RALGPS1: variants seen among roughly 807,000 people sequenced by gnomAD.
The protein encoded by RALGPS1 is Ral GEF with PH domain and SH3 binding motif 1.
RALGPS1 carries 19 observed loss-of-function variants against 78.8 expected under a neutral mutation model. The ratio of observed to expected loss-of-function variants is 0.24; its 90% CI spans 0.17 to 0.35. The LOEUF is 0.35. Ranked by LOEUF, RALGPS1 falls within the 10% of genes least tolerant of loss-of-function variation. RALGPS1 has a pLI of 1.00. For missense variants in RALGPS1, 454 were observed against 688.3 expected, an observed-to-expected ratio of 0.66 and a Z score of 3.81; for synonymous variants, 228 against 256.3, an observed-to-expected ratio of 0.89 and a Z score of 1.06.
At chr9:126,972,588 G>T (rs1307937594) in intron 3 of RALGPS1, among the ~76,000 whole-genome samples, 2 of 152,184 alleles carry the variant, frequency 1.3e-5, no homozygotes, top group South Asian at 2.1e-4. Context: ...CTTGCCAAAG[G>T]GATGCACCTG....
At chr9:127,066,906 C>G (rs2049762192) in intron 7 of RALGPS1, among the ~76,000 whole-genome samples, 1 of 151,990 alleles carries the variant, frequency 6.6e-6, no homozygotes, top group African/African-American at 2.4e-5. Flanking sequence ...TCACTACAGC[C>G]TCAACCTCCT....
intron 4 of RALGPS1, among the ~76,000 whole-genome samples, chr9:127,003,106 G>C (rs958126244): frequency 6.6e-6 from 1 of 152,094 alleles, no homozygotes; most frequent in African/African-American, 2.4e-5. Flanking sequence ...TCTCCAGCAC[G>C]AAAACCTAGG....
intron 7 of RALGPS1, among the ~76,000 whole-genome samples, chr9:127,060,955 A>G (rs1040138061): frequency 6.6e-6 from 1 of 152,206 alleles, no homozygotes; most frequent in African/African-American, 2.4e-5. Context: ...TTTAACCATC[A>G]TGTGGATTTC....
chr9:127,006,105 T>C (rs929638686), intron 4 of RALGPS1, among the ~76,000 whole-genome samples: 1 of 152,194 alleles, frequency 6.6e-6, no homozygotes, highest in African/African-American at 2.4e-5. Flanking sequence ...GTCAGCATCA[T>C]ACTGAATGGG....
intron 4 of RALGPS1, among the ~76,000 whole-genome samples, chr9:127,032,704 CAT>C (rs2046530634): frequency 2.6e-5 from 4 of 152,222 alleles, no homozygotes; most frequent in Middle Eastern, 6.8e-3. Context: ...TGAAACCGAA[CAT>C]AGCCTGGGTG....
intron 4 of RALGPS1, among the ~76,000 whole-genome samples, chr9:126,992,812 T>C (rs1304731415): frequency 1.3e-5 from 2 of 152,274 alleles, no homozygotes; most frequent in African/African-American, 2.4e-5. Flanking sequence ...TAATGATGCC[T>C]CTGTGAATAA....
chr9:127,141,616 C>CAAAAAAAAAAAAAAAAA (rs61291398), intron 8 of RALGPS1, among the ~76,000 whole-genome samples: 3 of 68,660 alleles, frequency 4.4e-5, no homozygotes, highest in Non-Finnish European at 7.5e-5. Context: ...TTTTTAATGG[C>CAAAAAAAAAAAAAAAAA]AAAAAAAAAA....
chr9:127,142,478 T>C (rs76930936), intron 8 of RALGPS1, among the ~76,000 whole-genome samples: 1 of 152,038 alleles, frequency 6.6e-6, no homozygotes, highest in African/African-American at 2.4e-5. Flanking sequence ...GATGGGCGCA[T>C]CTGGAGGGAA....
In RALGPS1 at chr9:127,034,491, G is replaced by A; in HGVS notation, c.277G>A (p.Ala93Thr). The A allele has an allele frequency of 1.2e-6, 2 of 1,614,070 alleles. No individual in the cohort carries two copies. The highest frequency in any genetic ancestry group is 1.7e-6 in the Non-Finnish European group (2 of 1,179,988). The change falls in exon 5 of 19, where the codon GCC (alanine) becomes ACC (threonine). Residue 93 changes from alanine (A) to threonine (T), a missense_variant. Coordinates refer to ENST00000259351, the MANE Select transcript of RALGPS1 (RefSeq NM_014636.3). ...ACACAGTCTTGCCCCTAACGTTGTG[G>A]CCTTTACCCGGAGGTTTAACCAGGT... ...EKHSLAPNVV[A>T]FTRRFNQVSF...
At chr9:127,085,314 G>A (rs771444249) in intron 8 of RALGPS1, among the ~76,000 whole-genome samples, 1 of 152,186 alleles carries the variant, frequency 6.6e-6, no homozygotes, top group Non-Finnish European at 1.5e-5. Context: ...AACCACCATG[G>A]CGAACTTAGT....
chr9:127,173,741 G>A (rs139684621), intron 10 of RALGPS1, among the ~76,000 whole-genome samples: 2 of 152,164 alleles, frequency 1.3e-5, no homozygotes, highest in African/African-American at 2.4e-5. Flanking sequence ...GGCCACGTGC[G>A]GTGGCTCATG....
intron 8 of RALGPS1, chr9:127,093,600 T>G (rs1190899325): frequency 3.6e-6 from 4 of 1,098,624 alleles, no homozygotes; most frequent in Admixed American, 2.3e-5. Flanking sequence ...GGTATATGTG[T>G]TGTTGGGGCC....
intron 13 of RALGPS1, among the ~76,000 whole-genome samples, chr9:127,198,023 G>C (rs2061433047): frequency 1.3e-5 from 2 of 152,232 alleles, no homozygotes; most frequent in African/African-American, 4.8e-5. Context: ...AGCTGCGCCT[G>C]AGTCCAGGCC....
intron 4 of RALGPS1, among the ~76,000 whole-genome samples, chr9:127,002,376 A>G (rs1014684916): frequency 6.7e-6 from 1 of 149,466 alleles, no homozygotes; most frequent in African/African-American, 2.5e-5. Flanking sequence ...TTCAATGGTG[A>G]TGGATATTTT....
At chr9:127,113,148 A>G (rs529080495) in intron 8 of RALGPS1, among the ~76,000 whole-genome samples, 97 of 152,196 alleles carry the variant, frequency 6.4e-4, no homozygotes, top group Non-Finnish European at 1.2e-3. Context: ...GGCGCCTGAC[A>G]TACATTGTCC....
chr9:127,131,179 A>G (rs1432032318), intron 8 of RALGPS1, among the ~76,000 whole-genome samples: 1 of 152,144 alleles, frequency 6.6e-6, no homozygotes, highest in Non-Finnish European at 1.5e-5. Context: ...GTTTGTTGGT[A>G]CTTTCCTAGC....
chr9:127,059,418 T>C lies in RALGPS1; in HGVS notation c.483+6479T>C, dbSNP rs76701626. Among the ~76,000 whole-genome samples the C allele has an allele frequency of 9.0e-3, 1,378 of 152,310 alleles. 76 individuals carry two copies. Among genetic ancestry groups the C allele is most frequent in the Admixed American group, 0.078 (1,194 of 15,296 alleles). The stretch of plus-strand genomic sequence containing the variant: ...TGCTTCTCAGAAGATCTCAGTCAAA[T>C]CTGCTGACATTTGCACCCTCATCTT... On this transcript the variant is annotated intron_variant, in intron 7 of 18. Transcript: ENST00000259351.
At chr9:126,936,795 G>A (rs2036298318) in intron 1 of RALGPS1, among the ~76,000 whole-genome samples, 1 of 151,912 alleles carries the variant, frequency 6.6e-6, no homozygotes, top group African/African-American at 2.4e-5. Flanking sequence ...CAAGGGAAGT[G>A]GAGTAGAGAT....
At chr9:126,986,429 G>C (rs1054059716) in intron 4 of RALGPS1, among the ~76,000 whole-genome samples, 1 of 152,170 alleles carries the variant, frequency 6.6e-6, no homozygotes, top group Non-Finnish European at 1.5e-5. Flanking sequence ...TGGATTCCTG[G>C]CTGCCAGGGC....
Sources: gnomAD v4.1 joint callset for allele counts (sites outside exome capture counted in the v4.1 genomes callset) on GRCh38, gnomAD v4.1.1 for gene constraint, MANE v1.5 for transcripts, NCBI Gene and HGNC (gene_info 2026-07-23, HGNC 2026-07-21) for gene names.